KLRG1: variants seen among roughly 807,000 people sequenced by gnomAD.
The protein encoded by KLRG1 is killer cell lectin-like receptor subfamily G member 1.
In KLRG1, 16 loss-of-function variants were observed where a neutral mutation model predicts 21.8. The ratio of observed to expected loss-of-function variants is 0.73; its 90% CI spans 0.50 to 1.11. KLRG1 has a LOEUF of 1.11. Among genes scored for constraint, KLRG1 ranks in the 50% most tolerant of loss-of-function variants. The pLI is 0.00. For missense variants in KLRG1, 173 were observed against 218.3 expected (o/e 0.79, Z 1.31); for synonymous variants, 69 against 75.9 (o/e 0.91, Z 0.47).
intron 1 of KLRG1, among the ~76,000 whole-genome samples, chr12:8,968,063 C>T (rs767672263): frequency 4.0e-5 from 6 of 151,854 alleles, no homozygotes; most frequent in East Asian, 3.9e-4. Context: ...GAAAGACATT[C>T]GGTTTAAAAA....
chr12:9,041,108 G>A, the KLRG1 span, among the ~76,000 whole-genome samples: 1 of 152,190 alleles, frequency 6.6e-6, no homozygotes, highest in South Asian at 2.1e-4. Flanking sequence ...GGCTGAGGCG[G>A]GTGGATCACC....
At chr12:9,169,511 A>T in the KLRG1 span, 1 of 1,612,426 alleles carries the variant, frequency 6.2e-7, no homozygotes, top group East Asian at 2.2e-5. Context: ...AAGGACGGGG[A>T]CAGTGTCCTT....
chr12:9,185,996 T>TG, the KLRG1 span, among the ~76,000 whole-genome samples: 1 of 151,762 alleles, frequency 6.6e-6, no homozygotes, highest in Admixed American at 6.6e-5. Flanking sequence ...TTAGTAGAGA[T>TG]GGGGTTTCAC....
At chr12:9,175,856 G>A in the KLRG1 span, among the ~76,000 whole-genome samples, 1 of 152,182 alleles carries the variant, frequency 6.6e-6, no homozygotes, top group Non-Finnish European at 1.5e-5. Context: ...TTTTACTGTT[G>A]TGGGGAGTGT....
the KLRG1 span, chr12:9,163,598 T>C: frequency 6.5e-7 from 1 of 1,528,276 alleles, no homozygotes; most frequent in Non-Finnish European, 8.9e-7. Context: ...TAATGGTTCT[T>C]TGTTGTCTCA....
At chr12:9,162,328 C>T in the KLRG1 span, 1 of 340,888 alleles carries the variant, frequency 2.9e-6, no homozygotes, top group Admixed American at 4.9e-5. Context: ...TGTCAGTGAG[C>T]AGCCACTGGG....
At chr12:9,037,422 A>AGTTGAATTG in the KLRG1 span, among the ~76,000 whole-genome samples, 1 of 152,226 alleles carries the variant, frequency 6.6e-6, no homozygotes, top group East Asian at 1.9e-4. Context: ...TTATGTATCT[A>AGTTGAATTG]GTTACCAATA....
chr12:9,198,805 T>C, the KLRG1 span, among the ~76,000 whole-genome samples: 3 of 152,204 alleles, frequency 2.0e-5, no homozygotes, highest in East Asian at 5.8e-4. Context: ...CTCCAACATA[T>C]AGATATCTGC....
chr12:8,962,954 A>G (rs1192215140), intron 1 of KLRG1, among the ~76,000 whole-genome samples: 3 of 152,118 alleles, frequency 2.0e-5, no homozygotes, highest in African/African-American at 7.2e-5. Context: ...TGCTCAGTAG[A>G]TTTTAGGCAG....
chr12:9,104,572 T>C, the KLRG1 span, among the ~76,000 whole-genome samples: 2 of 151,992 alleles, frequency 1.3e-5, no homozygotes, highest in African/African-American at 4.8e-5. Flanking sequence ...TACTGTCTAG[T>C]GAAAGAGATA....
chr12:9,064,992 T>TCTG, the KLRG1 span: 1 of 152,258 alleles, frequency 6.6e-6, no homozygotes, highest in Non-Finnish European at 1.5e-5. The surrounding 1 kb of genome is among the most constrained non-coding windows in gnomAD (Gnocchi z 4.0). Flanking sequence ...GGGCTCGTGA[T>TCTG]CTGCTCCCGG....
chr12:9,005,442 A>G (rs966870187), intron 3 of KLRG1, among the ~76,000 whole-genome samples: 3 of 152,250 alleles, frequency 2.0e-5, no homozygotes, highest in Non-Finnish European at 2.9e-5. Flanking sequence ...CATTCATAGC[A>G]GAATGGATGG....
rs573748284 is a variant in KLRG1 at position 8,978,089 on chromosome 12, T to A, written c.-155-14117T>A. The stretch of plus-strand genomic sequence containing the variant: ...TTGGTTAACAAATCTTTATTTTTTT[T>A]AACTTTTATGTTAGGATTAAAACTA... On this transcript the variant is annotated intron_variant, in intron 1 of 4. Coordinates refer to the KLRG1 transcript ENST00000539240. Among the ~76,000 whole-genome samples, 184 of 152,334 alleles carry A rather than the reference T, an allele frequency of 1.2e-3. No individual in the cohort carries two copies. The Middle Eastern group carries it at 0.024, about 20-fold the overall frequency.
intron 1 of KLRG1, among the ~76,000 whole-genome samples, chr12:8,976,099 T>G (rs2137270699): frequency 6.6e-6 from 1 of 152,308 alleles, no homozygotes; most frequent in South Asian, 2.1e-4. Context: ...TGTAGATGTT[T>G]ATTGCTCTAA....
the KLRG1 span, chr12:9,115,977 A>C: frequency 1.3e-6 from 1 of 773,170 alleles, no homozygotes; most frequent in Non-Finnish European, 2.3e-6. Flanking sequence ...AGGAAGTTCC[A>C]CCCACACAAG....
chr12:9,146,252 C>T, the KLRG1 span, among the ~76,000 whole-genome samples: 12 of 151,376 alleles, frequency 7.9e-5, no homozygotes, highest in African/African-American at 2.9e-4. Flanking sequence ...GAACTACTTC[C>T]AATGACTGGT....
At chr12:9,213,136 A>G in the KLRG1 span, among the ~76,000 whole-genome samples, 3 of 152,310 alleles carry the variant, frequency 2.0e-5, no homozygotes, top group Non-Finnish European at 4.4e-5. Flanking sequence ...TGTAGCATAT[A>G]TATAGTACTT....
chr12:9,076,284 T>C, the KLRG1 span, among the ~76,000 whole-genome samples: 2 of 152,352 alleles, frequency 1.3e-5, no homozygotes, highest in East Asian at 1.9e-4. Flanking sequence ...CTACTAAGTG[T>C]TTTACGTGTA....
At chr12:9,160,839 C>T in the KLRG1 span, among the ~76,000 whole-genome samples, 5 of 151,388 alleles carry the variant, frequency 3.3e-5, no homozygotes, top group Non-Finnish European at 4.4e-5. Context: ...GGCGTGAACC[C>T]AGGAGGCGGA....
Sources: gnomAD v4.1 joint callset for allele counts (sites outside exome capture counted in the v4.1 genomes callset) on GRCh38, gnomAD v4.1.1 for gene constraint, Gnocchi (gnomAD v3.1) non-coding constraint, MANE v1.5 for transcripts, NCBI Gene and HGNC (gene_info 2026-07-23, HGNC 2026-07-21) for gene names.